Variants in FAM219A observed in about 807,000 individuals in gnomAD.
The protein encoded by FAM219A is protein FAM219A.
A neutral mutation model predicts 23.4 loss-of-function variants in FAM219A; 7 were observed. The observed-to-expected ratio is 0.30, with a 90% CI of 0.17 to 0.56. FAM219A has a LOEUF of 0.56. Among genes scored for constraint, FAM219A ranks in the 20% least tolerant of loss-of-function variants. The probability of loss-of-function intolerance (pLI) is 0.92; values close to 1 mark genes in which losing one functional copy is unlikely to be tolerated. For missense variants in FAM219A, 166 were observed against 246.9 expected (o/e 0.67, Z 2.20); for synonymous variants, 93 against 99.0 (o/e 0.94, Z 0.36).
At position 34,401,739 on chromosome 9, in the gene FAM219A, G is replaced by C. The variant is rs376183152; in HGVS notation, c.345-19C>G. ...ATCATCGCTGGCCATGGAGGAAAGA[G>C]AGGGAAAGTGATACCAAGAAATTAC... On this transcript the variant is annotated intron_variant, in intron 4 of 5. Transcript: ENST00000651358. The C allele has an allele frequency of 2.2e-5, 35 of 1,602,766 alleles. No individual in the cohort carries two copies. Among genetic ancestry groups the C allele is most frequent in the Non-Finnish European group, 3.0e-5 (35 of 1,175,942 alleles).
Position 34,458,216 on chromosome 9 carries a change from C to T in FAM219A, c.48G>A (p.Glu16=), listed in dbSNP as rs1030810583. The T allele has an allele frequency of 1.3e-6, 2 of 1,590,152 alleles. No homozygotes were observed. Among genetic ancestry groups the T allele is most frequent in the Non-Finnish European group, 1.7e-6 (2 of 1,172,424 alleles). Residue 16 remains glutamate (E), a synonymous_variant, in exon 1 of 6, where the codon GAG becomes GAA. Coordinates refer to ENST00000651358, the MANE Select transcript of FAM219A (RefSeq NM_001184940.2). This position sits in a 1 kb window ranked among gnomAD's most constrained non-coding sequence, Gnocchi z 6.6. ...CCCGCCCCCTCACCAGCGGCTGCATCTCCGAGTGCGCGGTGGGCACCTGGA... is the reference window on the plus strand; with the variant it reads ...CCCGCCCCCTCACCAGCGGCTGCATTTCCGAGTGCGCGGTGGGCACCTGGA... ...DRFQVPTAHS[E]MQPLDPAAAS... is the part of the protein sequence containing the mutation.
At chr9:34,406,362 GT>G (rs1207839352) in intron 1 of FAM219A, 2 of 985,404 alleles carry the variant, frequency 2.0e-6, no homozygotes, top group African/African-American at 1.7e-5. Flanking sequence ...GTGAGTTTAA[GT>G]CTGGGTTAAG....
chr9:34,458,240 GA>G lies in FAM219A; in HGVS notation c.23del (p.Phe8SerfsTer33). The G allele has an allele frequency of 6.3e-7, 1 of 1,589,124 alleles. No homozygotes were observed. Among genetic ancestry groups the G allele is most frequent in the Non-Finnish European group, 8.5e-7 (1 of 1,171,760 alleles). On this transcript the variant is annotated frameshift_variant, in exon 1 of 6. Coordinates refer to ENST00000651358, the MANE Select transcript of FAM219A (RefSeq NM_001184940.2). LOFTEE classifies it high-confidence loss of function. The surrounding 1 kb of genome is among the most constrained non-coding windows in gnomAD (Gnocchi z 6.6). ...TCTCCGAGTGCGCGGTGGGCACCTG[GA>G]ACCGGTCGATCTCCTCCATCATGGT... MMEEIDR[F>X]QVPTAHSEMQ...
intron 1 of FAM219A, among the ~76,000 whole-genome samples, chr9:34,451,008 C>T (rs916873263): frequency 6.6e-5 from 10 of 152,198 alleles, no homozygotes; most frequent in Non-Finnish European, 1.2e-4. Context: ...CCAAACCATC[C>T]GATCCTCAAT....
At chr9:34,447,758 A>C (rs1039478314) in intron 1 of FAM219A, among the ~76,000 whole-genome samples, 1 of 152,180 alleles carries the variant, frequency 6.6e-6, no homozygotes, top group African/African-American at 2.4e-5. Flanking sequence ...TGCTCAGCAG[A>C]GTCCAGGTTA....
At position 34,416,811 on chromosome 9, in the gene FAM219A, T is replaced by TC. The variant is rs1564003871; in HGVS notation, c.61-10848_61-10847insG. Reference sequence around the variant, plus strand: ...ATCAGAACATAATCAGCTCTCCATTTTTTTTTTTTTTTTTTTTTTAAATAG... The same window carrying TC: ...ATCAGAACATAATCAGCTCTCCATTTCTTTTTTTTTTTTTTTTTTTAAATAG... On this transcript the variant is annotated intron_variant, in intron 1 of 5. Coordinates refer to ENST00000651358, the MANE Select transcript of FAM219A (RefSeq NM_001184940.2). Among the ~76,000 whole-genome samples, 13 of 146,210 alleles carry TC rather than the reference T, an allele frequency of 8.9e-5. 1 individual carries two copies. Among genetic ancestry groups the TC allele is most frequent in the Non-Finnish European group, 1.1e-4 (7 of 65,332 alleles).
In FAM219A at chr9:34,457,553, C is replaced by A. The variant is rs1823792205; in HGVS notation, c.60+651G>T. 6.5e-6 allele frequency: 1 copy of A among 152,912 alleles called. No individual in the cohort carries two copies. Among genetic ancestry groups the A allele is most frequent in the Non-Finnish European group, 1.5e-5 (1 of 68,506 alleles). 9.5% of individuals were successfully genotyped at this position (152,912 alleles called of 1,614,324 possible). ...ACTTCCTCTCCCGTCGGTTCCCGAGCACTCTCATCTGCACCCCGATTCCCC... is the reference window on the plus strand; with the variant it reads ...ACTTCCTCTCCCGTCGGTTCCCGAGAACTCTCATCTGCACCCCGATTCCCC... On this transcript the variant is annotated intron_variant, in intron 1 of 5. Coordinates refer to ENST00000651358, the MANE Select transcript of FAM219A (RefSeq NM_001184940.2). This position sits in a 1 kb window ranked among gnomAD's most constrained non-coding sequence, Gnocchi z 5.1.
At chr9:34,402,892 C>T (rs1316679241) in intron 2 of FAM219A, 85 bp from the exon 3 acceptor site, 107 of 1,185,264 alleles carry the variant, frequency 9.0e-5, no homozygotes, top group Non-Finnish European at 1.3e-4. Context: ...GCTGGGCCTC[C>T]ACTGTGAAAC....
intron 1 of FAM219A, among the ~76,000 whole-genome samples, chr9:34,436,942 T>A (rs1424172843): frequency 1.3e-5 from 2 of 152,254 alleles, no homozygotes; most frequent in African/African-American, 4.8e-5. Context: ...GGTTTTTGTT[T>A]GTTTGTTTTT....
At chr9:34,447,855 T>C (rs1823426625) in intron 1 of FAM219A, among the ~76,000 whole-genome samples, 1 of 151,696 alleles carries the variant, frequency 6.6e-6, no homozygotes, top group Non-Finnish European at 1.5e-5. Context: ...GAAGATCAAG[T>C]AGAAAAAAAC....
At chr9:34,403,925 T>G (rs1821539600) in intron 2 of FAM219A, among the ~76,000 whole-genome samples, 1 of 152,174 alleles carries the variant, frequency 6.6e-6, no homozygotes, top group African/African-American at 2.4e-5. Context: ...GATTCCAGCT[T>G]TTTCCCAGCT....
At chr9:34,448,053 TAG>T (rs1162113236) in intron 1 of FAM219A, among the ~76,000 whole-genome samples, 1 of 151,954 alleles carries the variant, frequency 6.6e-6, no homozygotes, top group Non-Finnish European at 1.5e-5. Context: ...TAATTTTTTG[TAG>T]AGACAGGGTC....
intron 1 of FAM219A, among the ~76,000 whole-genome samples, chr9:34,454,496 C>A (rs751329227): frequency 2.5e-4 from 38 of 152,124 alleles, no homozygotes; most frequent in Non-Finnish European, 4.6e-4. Flanking sequence ...CAGGGATAGA[C>A]CAGGCCTGGT....
intron 1 of FAM219A, among the ~76,000 whole-genome samples, chr9:34,452,485 T>C (rs1002995805): frequency 6.6e-6 from 1 of 152,098 alleles, no homozygotes; most frequent in African/African-American, 2.4e-5. Context: ...CCAACAGATA[T>C]CATATCTTGC....
At chr9:34,421,009 T>TGAGA (rs143749316) in intron 1 of FAM219A, among the ~76,000 whole-genome samples, 1,005 of 86,408 alleles carry the variant, frequency 0.012, 13 homozygotes, top group Middle Eastern at 0.042. Flanking sequence ...TGTGTGTGTG[T>TGAGA]GAGAGAGAGA....
chr9:34,426,784 G>A (rs965074267), intron 1 of FAM219A, among the ~76,000 whole-genome samples: 6 of 152,142 alleles, frequency 3.9e-5, no homozygotes, highest in Non-Finnish European at 5.9e-5. Flanking sequence ...GAAAGTGAGT[G>A]CCTAGTCTTT....
intron 1 of FAM219A, among the ~76,000 whole-genome samples, chr9:34,412,402 CAGA>C (rs1324610106): frequency 2.0e-5 from 3 of 152,114 alleles, no homozygotes; most frequent in Admixed American, 1.3e-4. Flanking sequence ...TTATTAAATG[CAGA>C]AGAAGGCACA....
At chr9:34,412,830 T>G (rs1821871675) in intron 1 of FAM219A, among the ~76,000 whole-genome samples, 1 of 152,088 alleles carries the variant, frequency 6.6e-6, no homozygotes, top group Admixed American at 6.5e-5. Flanking sequence ...TGAACACAAT[T>G]TTAGCTGAAG....
In FAM219A at chr9:34,458,249, G is replaced by A; in HGVS notation, c.15C>T (p.Ile5=). 1 of 1,586,776 alleles carries A rather than the reference G, an allele frequency of 6.3e-7. No individual in the cohort carries two copies. The highest frequency in any genetic ancestry group is 1.1e-5 in the South Asian group (1 of 88,050). Residue 5 remains isoleucine (I), a synonymous_variant, in exon 1 of 6, where the codon ATC becomes ATT. Transcript: ENST00000651358. The surrounding 1 kb of genome is among the most constrained non-coding windows in gnomAD (Gnocchi z 6.6). Reference sequence around the variant, plus strand: ...GCGCGGTGGGCACCTGGAACCGGTCGATCTCCTCCATCATGGTGCCGGCGG... The same window carrying A: ...GCGCGGTGGGCACCTGGAACCGGTCAATCTCCTCCATCATGGTGCCGGCGG... MMEE[I]DRFQVPTAHS...
Sources: allele counts gnomAD v4.1 joint callset (sites outside exome capture counted in the v4.1 genomes callset), GRCh38; gene constraint gnomAD v4.1.1; non-coding constraint Gnocchi (gnomAD v3.1); transcripts MANE v1.5; gene names NCBI Gene and HGNC (gene_info 2026-07-23, HGNC 2026-07-21).